Variants in DCC observed in about 807,000 individuals in gnomAD.
DCC encodes the protein netrin receptor DCC.
A neutral mutation model predicts 172.5 loss-of-function variants in DCC; 58 were observed. The observed-to-expected ratio is 0.34, with a 90% CI of 0.27 to 0.42. The LOEUF (loss-of-function observed/expected upper bound fraction) is 0.42. Among genes scored for constraint, DCC ranks in the 10% least tolerant of loss-of-function variants. DCC has a pLI of 1.00. For synonymous variants in DCC, 709 were observed against 644.5 expected (o/e 1.10, Z -1.52); for missense variants, 1,740 against 1,791.0 (o/e 0.97, Z 0.51).
intron 1 of DCC, among the ~76,000 whole-genome samples, chr18:52,718,329 T>C (rs114253119): frequency 1.3e-3 from 198 of 152,358 alleles, no homozygotes; most frequent in African/African-American, 4.6e-3. Flanking sequence ...GCAGAGATAA[T>C]TGAATAAAAT....
chr18:53,267,151 G>T (rs9797440), intron 12 of DCC, among the ~76,000 whole-genome samples: 34,426 of 128,662 alleles, frequency 0.27, 4,066 homozygotes, highest in Non-Finnish European at 0.32. Flanking sequence ...TATATATATA[G>T]AGAGAGAGAG....
At chr18:52,774,362 A>G (rs1005735326) in intron 2 of DCC, among the ~76,000 whole-genome samples, 1 of 152,180 alleles carries the variant, frequency 6.6e-6, no homozygotes, top group Non-Finnish European at 1.5e-5. Context: ...TTCAGTACCA[A>G]GAAAAAACCC....
intron 1 of DCC, among the ~76,000 whole-genome samples, chr18:52,439,106 G>A (rs1485720453): frequency 1.3e-5 from 2 of 151,484 alleles, no homozygotes; most frequent in Non-Finnish European, 2.9e-5. Context: ...TCCAGGTTTG[G>A]TTTATGAAAG....
intron 7 of DCC, among the ~76,000 whole-genome samples, chr18:53,101,435 C>A (rs991486821): frequency 6.6e-6 from 1 of 151,962 alleles, no homozygotes; most frequent in African/African-American, 2.4e-5. Context: ...ATCAGCAGAC[C>A]TTGGGACCCT....
intron 1 of DCC, among the ~76,000 whole-genome samples, chr18:52,602,052 T>C (rs2034027925): frequency 6.6e-6 from 1 of 152,126 alleles, no homozygotes; most frequent in African/African-American, 2.4e-5. Flanking sequence ...GAGCATCACA[T>C]ATTAGATGAA....
At chr18:53,066,353 G>A (rs200359645) in intron 7 of DCC, among the ~76,000 whole-genome samples, 187 bp downstream of exon 7, 6 of 94,616 alleles carry the variant, frequency 6.3e-5, no homozygotes, top group South Asian at 3.6e-4. Context: ...GTACATGTGT[G>A]TATATATATA....
Position 53,386,122 on chromosome 18 carries a change from C to A in DCC, c.2439C>A (p.Thr813=). ...GAGTTCCTCTTTATGAAAGTGCCAC[C>A]ACCAGGTCTATAACCGGTAAGTGAA... ...GEGVPLYESA[T]TRSITDPTDP... The change falls in exon 16 of 29, where the codon ACC becomes ACA. Residue 813 remains threonine, a synonymous_variant. Coordinates refer to ENST00000442544, the MANE Select transcript of DCC (RefSeq NM_005215.4). 6.2e-7 allele frequency: 1 copy of A among 1,608,346 alleles called. No homozygotes were observed. Among genetic ancestry groups the A allele is most frequent in the Non-Finnish European group, 8.5e-7 (1 of 1,174,860 alleles).
intron 16 of DCC, among the ~76,000 whole-genome samples, chr18:53,390,433 T>A (rs578018531): frequency 1.3e-3 from 201 of 152,264 alleles, no homozygotes; most frequent in African/African-American, 4.7e-3. Context: ...GTCACTCCAC[T>A]TTAAACTAGG....
At chr18:52,787,578 T>G (rs1260339330) in intron 2 of DCC, among the ~76,000 whole-genome samples, 1 of 149,894 alleles carries the variant, frequency 6.7e-6, no homozygotes, top group Non-Finnish European at 1.5e-5. Flanking sequence ...ACTTAAATTG[T>G]ACATCATTTT....
At chr18:52,394,523 T>C (rs1986147288) in intron 1 of DCC, among the ~76,000 whole-genome samples, 1 of 151,402 alleles carries the variant, frequency 6.6e-6, no homozygotes, top group Admixed American at 6.6e-5. Context: ...GTGATCCTCC[T>C]GCCTTGGCCT....
At chr18:52,877,732 A>G (rs1371266265) in intron 2 of DCC, among the ~76,000 whole-genome samples, 1 of 151,958 alleles carries the variant, frequency 6.6e-6, no homozygotes, top group African/African-American at 2.4e-5. Context: ...AAGTTTTGGT[A>G]ACGTGTCTTT....
intron 13 of DCC, among the ~76,000 whole-genome samples, chr18:53,317,772 G>A (rs928091175): frequency 2.0e-5 from 3 of 152,164 alleles, no homozygotes; most frequent in African/African-American, 7.2e-5. Context: ...TATTTGCATA[G>A]AGGTGTTTAT....
intron 1 of DCC, among the ~76,000 whole-genome samples, chr18:52,515,928 GAAA>G (rs34820684): frequency 8.7e-6 from 1 of 115,064 alleles, no homozygotes; most frequent in Non-Finnish European, 1.7e-5. Flanking sequence ...TTAGAAAATG[GAAA>G]AAAAAAAAAA....
intron 12 of DCC, among the ~76,000 whole-genome samples, chr18:53,293,336 T>C (rs2057027076): frequency 6.6e-6 from 1 of 152,280 alleles, no homozygotes; most frequent in South Asian, 2.1e-4. Context: ...AGATAGAACA[T>C]CTAATAAGAT....
intron 27 of DCC, among the ~76,000 whole-genome samples, chr18:53,513,852 A>G (rs566230237): frequency 3.3e-5 from 5 of 150,444 alleles, no homozygotes; most frequent in Admixed American, 2.6e-4. Context: ...AGACTCCCAC[A>G]CATTAATAAT....
intron 15 of DCC, among the ~76,000 whole-genome samples, chr18:53,382,069 A>AACACACACAC (rs61553123): frequency 0.082 from 10,053 of 122,668 alleles, 430 homozygotes; most frequent in African/African-American, 0.11. Context: ...GATTAAAAAC[A>AACACACACAC]ACACACACAC....
At chr18:52,701,918 A>G (rs769275836) in intron 1 of DCC, among the ~76,000 whole-genome samples, 13 of 152,216 alleles carry the variant, frequency 8.5e-5, no homozygotes, top group Non-Finnish European at 1.6e-4. Context: ...CTTGTGTAAC[A>G]GCACACACTT....
chr18:53,166,308 T>C (rs779122731), intron 8 of DCC, among the ~76,000 whole-genome samples: 1 of 152,118 alleles, frequency 6.6e-6, no homozygotes, highest in Non-Finnish European at 1.5e-5. Flanking sequence ...GTGCTTGACA[T>C]ACCTTTACGA....
At chr18:52,361,010 A>G (rs9946858) in intron 1 of DCC, among the ~76,000 whole-genome samples, 37,381 of 152,086 alleles carry the variant, frequency 0.25, 4,904 homozygotes, top group African/African-American at 0.32. Context: ...CAAGCTTTAG[A>G]GTATACTAAG....
Sources: allele counts gnomAD v4.1 joint callset (sites outside exome capture counted in the v4.1 genomes callset), GRCh38; gene constraint gnomAD v4.1.1; transcripts MANE v1.5; gene names NCBI Gene and HGNC (gene_info 2026-07-23, HGNC 2026-07-21).